Variants in TMPRSS7 observed in about 807,000 individuals in gnomAD.
The protein encoded by TMPRSS7 is transmembrane serine protease 7.
In TMPRSS7, 81 loss-of-function variants were observed where a neutral mutation model predicts 95.6. The ratio of observed to expected loss-of-function variants is 0.85; its 90% CI spans 0.71 to 1.02. TMPRSS7 has a LOEUF of 1.02. Among genes scored for constraint, TMPRSS7 ranks in the 50% least tolerant of loss-of-function variants. The pLI, the probability that TMPRSS7 is intolerant of heterozygous loss-of-function variation, is 0.00. For synonymous variants in TMPRSS7, 364 were observed against 337.8 expected, an observed-to-expected ratio of 1.08 and a Z score of -0.85; for missense variants, 945 against 955.2, an observed-to-expected ratio of 0.99 and a Z score of 0.14.
intron 8 of TMPRSS7, 133 bp from the exon 9 acceptor site, chr3:112,050,538 A>AAAAAAAC (rs1422945872): frequency 5.1e-6 from 2 of 392,414 alleles, no homozygotes; most frequent in East Asian, 4.0e-5. Flanking sequence ...AAAAAAAAAA[A>AAAAAAAC]CCCAAAGTTT....
intron 9 of TMPRSS7, among the ~76,000 whole-genome samples, chr3:112,053,839 A>G (rs2073396003): frequency 6.6e-6 from 1 of 152,150 alleles, no homozygotes; most frequent in African/African-American, 2.4e-5. Flanking sequence ...CTGCTTCCCT[A>G]CGTTTCTTAA....
intron 9 of TMPRSS7, among the ~76,000 whole-genome samples, chr3:112,051,620 TCTATC>T (rs1421693973): frequency 5.5e-4 from 63 of 114,652 alleles, no homozygotes; most frequent in African/African-American, 1.5e-3. Context: ...TCTATCTATC[TCTATC>T]ATCTATCTAT....
chr3:112,066,386 T>C lies in TMPRSS7; in HGVS notation c.1556-6T>C, dbSNP rs764662102. On this transcript the variant is annotated splice_polypyrimidine_tract_variant and splice_region_variant and intron_variant, in intron 12 of 17. Coordinates refer to ENST00000452346, the Ensembl canonical transcript of TMPRSS7. ...GTGAACTTTCTGTTTTTATTTTTTA[T>C]TCTAGTGAGCCCTCAACCTGCCTGC... 4 of 1,613,464 alleles carry C rather than the reference T, an allele frequency of 2.5e-6. No individual in the cohort carries two copies. The highest frequency in any genetic ancestry group is 3.4e-6 in the Non-Finnish European group (4 of 1,179,622).
rs1183633425 is a variant in TMPRSS7, at chr3:112,057,242, T to G, written c.1310+111T>G. 6 of 748,502 alleles carry G rather than the reference T, an allele frequency of 8.0e-6. No individual in the cohort carries two copies. In the African/African-American group the frequency reaches 8.8e-5, roughly 11 times the overall value. The allele number at this position is 748,502 out of a possible 1,614,324, so 46.4% of individuals were successfully genotyped here. A position where few individuals can be genotyped will look rare whatever the true frequency, so the allele number is the denominator to read the frequency against. On this transcript the variant is annotated intron_variant, in intron 10 of 17. Coordinates refer to ENST00000452346, the Ensembl canonical transcript of TMPRSS7. ...CTTTACCATTTACAGTTAGGGAAAC[T>G]GAGGGATATAGGAGTTATGTAACTT...
At chr3:112,042,020 T>A in exon 3 of TMPRSS7, 1 of 1,551,634 alleles carries the variant, frequency 6.4e-7, no homozygotes, top group Non-Finnish European at 8.7e-7. Flanking sequence ...CCAGGGAATT[T>A]CTTTCAGTGT....
At chr3:112,071,508 G>A (rs1192317687) in intron 13 of TMPRSS7, among the ~76,000 whole-genome samples, 1 of 152,094 alleles carries the variant, frequency 6.6e-6, no homozygotes, top group Admixed American at 6.5e-5. Context: ...GTAAGGTTGG[G>A]GAAGTTCTCA....
exon 13 of TMPRSS7, chr3:112,066,419 G>C (rs762789485): frequency 1.2e-6 from 2 of 1,613,822 alleles, no homozygotes; most frequent in Admixed American, 1.7e-5. Flanking sequence ...TGCAATACCA[G>C]CTCCTTCAGG....
chr3:112,054,391 G>A (rs116109126), intron 9 of TMPRSS7, among the ~76,000 whole-genome samples: 2,021 of 152,298 alleles, frequency 0.013, 30 homozygotes, highest in Non-Finnish European at 0.02. Flanking sequence ...TTCATTTGTT[G>A]AAATAGCTTG....
At chr3:112,058,371 A>G (rs547872588) in intron 10 of TMPRSS7, among the ~76,000 whole-genome samples, 1 of 152,340 alleles carries the variant, frequency 6.6e-6, no homozygotes, top group South Asian at 2.1e-4. Flanking sequence ...CCTGGGTTCA[A>G]GTTCCAGCTC....
intron 13 of TMPRSS7, among the ~76,000 whole-genome samples, chr3:112,068,632 T>C (rs2073605379): frequency 6.6e-6 from 1 of 152,214 alleles, no homozygotes; most frequent in African/African-American, 2.4e-5. Flanking sequence ...GTTTGCCTGT[T>C]ATTGGTGTGT....
chr3:112,079,063 A>G (rs1390268932), intron 17 of TMPRSS7, among the ~76,000 whole-genome samples, 185 bp downstream of exon 17: 2 of 152,224 alleles, frequency 1.3e-5, no homozygotes, highest in Non-Finnish European at 1.5e-5. Flanking sequence ...AATTTATTCT[A>G]TAGAACGCAG....
At chr3:112,043,134 G>A (rs1425491290) in intron 3 of TMPRSS7, 1 of 455,666 alleles carries the variant, frequency 2.2e-6, no homozygotes, top group African/African-American at 2.0e-5. Flanking sequence ...AGATACTGTT[G>A]TACAAACATC....
exon 15 of TMPRSS7, chr3:112,075,487 A>T: frequency 6.7e-7 from 1 of 1,483,820 alleles, no homozygotes; most frequent in Non-Finnish European, 9.0e-7. Context: ...GTTTTCATGG[A>T]AACAGGTAGG....
intron 13 of TMPRSS7, among the ~76,000 whole-genome samples, 162 bp from the exon 14 acceptor site, chr3:112,074,134 G>A (rs2073685349): frequency 6.6e-6 from 1 of 152,246 alleles, no homozygotes; most frequent in South Asian, 2.1e-4. Flanking sequence ...ATGGATCACT[G>A]TGAGGTTGCT....
chr3:112,075,204 AAGG>A (rs2073696691), intron 14 of TMPRSS7, 114 bp from the exon 15 acceptor site: 1 of 1,012,696 alleles, frequency 9.9e-7, no homozygotes, highest in Non-Finnish European at 1.3e-6. Flanking sequence ...TCCTCTAGAT[AAGG>A]AGATTTCAAA....
At position 112,061,628 on chromosome 3, in the gene TMPRSS7, C is replaced by T. The variant is rs553086504; in HGVS notation, c.1311-159C>T. Among the ~76,000 whole-genome samples, 14 of 152,334 alleles carry T rather than the reference C, an allele frequency of 9.2e-5. No homozygotes were observed. The South Asian group carries it at 2.7e-3, about 29-fold the overall frequency. ...AAAGAGGGCAGAAGTTACTTGATCACAGTCACATGGCCTAGAATGAATAAC... is the reference window on the plus strand; with the variant it reads ...AAAGAGGGCAGAAGTTACTTGATCATAGTCACATGGCCTAGAATGAATAAC... On this transcript the variant is annotated intron_variant, in intron 10 of 17. Transcript: ENST00000452346.
At chr3:112,040,602 A>C (rs868410498) in intron 2 of TMPRSS7, among the ~76,000 whole-genome samples, 1 of 152,186 alleles carries the variant, frequency 6.6e-6, no homozygotes, top group South Asian at 2.1e-4. Flanking sequence ...CCCAGAACAA[A>C]GAAGCTTATT....
At chr3:112,041,311 T>C (rs1559951728) in intron 2 of TMPRSS7, among the ~76,000 whole-genome samples, 1 of 152,184 alleles carries the variant, frequency 6.6e-6, no homozygotes, top group South Asian at 2.1e-4. Context: ...TGACCTTGAA[T>C]GGATCTTAGA....
At chr3:112,046,271 G>A (rs1021439048) in intron 5 of TMPRSS7, among the ~76,000 whole-genome samples, 2 of 152,102 alleles carry the variant, frequency 1.3e-5, no homozygotes, top group Non-Finnish European at 2.9e-5. Context: ...TTTTGCTGAG[G>A]TTTATCTTGT....
Sources: gnomAD v4.1 joint callset for allele counts (sites outside exome capture counted in the v4.1 genomes callset) on GRCh38, gnomAD v4.1.1 for gene constraint, MANE v1.5 for transcripts, NCBI Gene and HGNC (gene_info 2026-07-23, HGNC 2026-07-21) for gene names.